Variants in PDIA5 observed in about 807,000 individuals in gnomAD.
PDIA5 encodes protein disulfide-isomerase A5.
Under a neutral mutation model 77.6 loss-of-function variants are expected in PDIA5, and 58 were observed. That is an observed-to-expected ratio of 0.75 (90% CI 0.61 to 0.93). The LOEUF is 0.93. PDIA5 is among the 40% of genes least tolerant of loss of function. The probability of loss-of-function intolerance (pLI) is 0.00; values close to 1 mark genes in which losing one functional copy is unlikely to be tolerated. For synonymous variants in PDIA5, 250 were observed against 252.1 expected, an observed-to-expected ratio of 0.99 and a Z score of 0.08; for missense variants, 630 against 647.7, an observed-to-expected ratio of 0.97 and a Z score of 0.30.
At chr3:123,121,449 C>G (rs1935117169) in intron 8 of PDIA5, among the ~76,000 whole-genome samples, 1 of 152,240 alleles carries the variant, frequency 6.6e-6, no homozygotes, top group Non-Finnish European at 1.5e-5. Context: ...CAAATTCTAA[C>G]TCCAGAAAGT....
chr3:123,150,337 C>T lies in PDIA5; in HGVS notation c.1246C>T (p.His416Tyr). ...NFRETLKKKK[H>Y]TLVMFYAPWC... ...CCGGGAGACCCTGAAGAAGAAGAAA[C>T]ACACCTTGGTCATGTTCTACGCCCC... Residue 416 changes from histidine to tyrosine, a missense_variant, in exon 14 of 17, where the codon CAC becomes TAC. Physicochemically the swap from His to Tyr is moderately conservative, Grantham distance 83 (BLOSUM62 2). Transcript: ENST00000316218. 1 of 1,613,908 alleles carries T rather than the reference C, an allele frequency of 6.2e-7. No homozygotes were observed. The highest frequency in any genetic ancestry group is 1.7e-4 in the Middle Eastern group (1 of 6,060).
At chr3:123,072,223 T>C (rs1272544871) in intron 1 of PDIA5, among the ~76,000 whole-genome samples, 1 of 152,234 alleles carries the variant, frequency 6.6e-6, no homozygotes. Context: ...GGAAAGAACA[T>C]GGGCTTTTAG....
At chr3:123,143,858 C>T (rs1935697737) in intron 11 of PDIA5, among the ~76,000 whole-genome samples, 1 of 152,210 alleles carries the variant, frequency 6.6e-6, no homozygotes. Context: ...CCATGAGGGT[C>T]AGTGCCCTTG....
intron 2 of PDIA5, among the ~76,000 whole-genome samples, chr3:123,090,553 T>C (rs11709496): frequency 0.061 from 9,262 of 152,208 alleles, 545 homozygotes; most frequent in African/African-American, 0.16. Context: ...GTAGCGGACT[T>C]GTTTGAGATC....
chr3:123,132,256 C>G (rs1195754554), intron 11 of PDIA5, among the ~76,000 whole-genome samples: 1 of 152,152 alleles, frequency 6.6e-6, no homozygotes, highest in African/African-American at 2.4e-5. Flanking sequence ...AGCCTGAGCC[C>G]CAGTCTCCTG....
At chr3:123,135,745 C>CTTTTTTTTTT (rs766560888) in intron 11 of PDIA5, among the ~76,000 whole-genome samples, 8 of 80,462 alleles carry the variant, frequency 9.9e-5, no homozygotes, top group Admixed American at 1.5e-4. Flanking sequence ...GAGGTAACAA[C>CTTTTTTTTTT]TTTTTTTTTT....
intron 15 of PDIA5, among the ~76,000 whole-genome samples, chr3:123,159,371 A>G (rs969216363): frequency 2.0e-5 from 3 of 152,170 alleles, no homozygotes; most frequent in African/African-American, 7.2e-5. Context: ...AGTGCGTTAG[A>G]GGTGGGCTGC....
chr3:123,124,070 T>C lies in PDIA5; in HGVS notation c.614T>C (p.Leu205Pro), dbSNP rs1420070561. The change falls in exon 9 of 17, where the codon CTG becomes CCG. Residue 205 changes from leucine (L) to proline (P), a missense_variant. Leu to Pro is a moderately conservative substitution (Grantham distance 98, BLOSUM62 -3). Coordinates refer to ENST00000316218, the MANE Select transcript of PDIA5 (RefSeq NM_006810.4). ...AATQLRGHAVLAGMNVYSSEF... is the reference protein window; with the variant it reads ...AATQLRGHAVPAGMNVYSSEF... ...CTCTTCTCCGCTTCCTCCCAGGTGC[T>C]GGCCGGGATGAATGTCTACTCCTCT... 2 of 1,612,736 alleles carry C rather than the reference T, an allele frequency of 1.2e-6. No homozygotes were observed. Among genetic ancestry groups the C allele is most frequent in the South Asian group, 2.2e-5 (2 of 91,062 alleles).
intron 11 of PDIA5, among the ~76,000 whole-genome samples, chr3:123,137,160 C>T (rs530250357): frequency 5.3e-5 from 8 of 152,300 alleles, no homozygotes; most frequent in Admixed American, 2.6e-4. Context: ...CCAAACCCAG[C>T]GGGTGACAGA....
chr3:123,089,658 G>A (rs939226613), intron 2 of PDIA5, among the ~76,000 whole-genome samples: 2 of 152,272 alleles, frequency 1.3e-5, no homozygotes, highest in African/African-American at 4.8e-5. Flanking sequence ...CCCTGCCAGG[G>A]CATGCTTCAC....
At chr3:123,100,137 G>C (rs1344667589) in intron 3 of PDIA5, among the ~76,000 whole-genome samples, 1 of 152,216 alleles carries the variant, frequency 6.6e-6, no homozygotes, top group Non-Finnish European at 1.5e-5. Flanking sequence ...CAGAACAAAG[G>C]CCAGCGAGGA....
intron 5 of PDIA5, among the ~76,000 whole-genome samples, chr3:123,104,290 G>A (rs1934679574): frequency 2.0e-5 from 3 of 152,218 alleles, no homozygotes; most frequent in Admixed American, 6.5e-5. Flanking sequence ...GACTGGGGCA[G>A]AATCCCTGGA....
intron 1 of PDIA5, among the ~76,000 whole-genome samples, chr3:123,080,733 G>A (rs1393681006): frequency 1.3e-5 from 2 of 152,156 alleles, no homozygotes; most frequent in Non-Finnish European, 2.9e-5. Context: ...TAAAGCTTTT[G>A]TTCAGTGGGC....
intron 14 of PDIA5, among the ~76,000 whole-genome samples, chr3:123,151,490 G>A (rs933766771): frequency 1.2e-4 from 18 of 152,242 alleles, no homozygotes; most frequent in Non-Finnish European, 4.4e-5. Context: ...CAGCAAGTGA[G>A]AACCTGGCTG....
intron 3 of PDIA5, among the ~76,000 whole-genome samples, chr3:123,094,973 G>A (rs1934395108): frequency 6.6e-6 from 1 of 152,198 alleles, no homozygotes. Context: ...GGGAGCATCT[G>A]GGGTGAGAGA....
In PDIA5 at chr3:123,111,021, C is replaced by T. The variant is rs762328884; in HGVS notation, c.541+17C>T. 18 of 1,608,724 alleles carry T rather than the reference C, an allele frequency of 1.1e-5. No homozygotes were observed. The Admixed American group carries it at 2.8e-4, about 25-fold the overall frequency. On this transcript the variant is annotated intron_variant, in intron 7 of 16. Coordinates refer to ENST00000316218, the MANE Select transcript of PDIA5 (RefSeq NM_006810.4). ...ATGCCCCCTGTGAGTGAACTTTCTC[C>T]CTTGGGCCAGAGCTAGTTGTTTAGT...
intron 13 of PDIA5, among the ~76,000 whole-genome samples, chr3:123,148,296 G>A (rs969701197): frequency 2.6e-5 from 4 of 152,124 alleles, no homozygotes; most frequent in Admixed American, 6.5e-5. Flanking sequence ...GGCCGGGCAC[G>A]GTGGCTCATG....
At chr3:123,106,016 C>T (rs1934721025) in intron 5 of PDIA5, among the ~76,000 whole-genome samples, 1 of 152,178 alleles carries the variant, frequency 6.6e-6, no homozygotes, top group Admixed American at 6.5e-5. Context: ...AGATTTGAGT[C>T]ATTGTACACA....
intron 2 of PDIA5, among the ~76,000 whole-genome samples, chr3:123,090,180 G>A (rs1253311436): frequency 6.6e-6 from 1 of 152,186 alleles, no homozygotes. Flanking sequence ...TGTGTTCATT[G>A]CCACTTGCGG....
Sources: allele counts gnomAD v4.1 joint callset (sites outside exome capture counted in the v4.1 genomes callset), GRCh38; gene constraint gnomAD v4.1.1; transcripts MANE v1.5; gene names NCBI Gene and HGNC (gene_info 2026-07-23, HGNC 2026-07-21).